KCNH8: variants seen among roughly 807,000 people sequenced by gnomAD.
The protein encoded by KCNH8 is voltage-gated delayed rectifier potassium channel KCNH8.
KCNH8 carries 70 observed loss-of-function variants against 103.6 expected under a neutral mutation model. The observed-to-expected ratio is 0.68, with a 90% confidence interval of 0.56 to 0.82. KCNH8 has a LOEUF of 0.82. Among genes scored for constraint, KCNH8 ranks in the 40% least tolerant of loss-of-function variants. The pLI, the probability that KCNH8 is intolerant of heterozygous loss-of-function variation, is 0.00. For synonymous variants in KCNH8, 498 were observed against 489.4 expected (o/e 1.02, Z -0.23); for missense variants, 1,217 against 1,329.9 (o/e 0.92, Z 1.32).
intron 11 of KCNH8, among the ~76,000 whole-genome samples, chr3:19,499,549 G>C (rs537765529): frequency 4.6e-5 from 7 of 152,218 alleles, no homozygotes; most frequent in African/African-American, 1.7e-4. Context: ...AGAAAGGTCG[G>C]GTTACCCTCA....
chr3:19,231,641 G>A (rs1297465204), intron 1 of KCNH8, among the ~76,000 whole-genome samples: 2 of 151,974 alleles, frequency 1.3e-5, no homozygotes, highest in Admixed American at 6.6e-5. Context: ...CTCTTAATGG[G>A]CCAGCCTACA....
At chr3:19,419,058 C>T (rs2066904968) in intron 7 of KCNH8, among the ~76,000 whole-genome samples, 1 of 152,096 alleles carries the variant, frequency 6.6e-6, no homozygotes, top group African/African-American at 2.4e-5. Flanking sequence ...AACATTTTAT[C>T]TAAACTAGTT....
intron 10 of KCNH8, among the ~76,000 whole-genome samples, chr3:19,452,991 C>T (rs900987305): frequency 6.6e-6 from 1 of 152,004 alleles, no homozygotes; most frequent in African/African-American, 2.4e-5. Context: ...AAATGTGGTA[C>T]ATATATGCAA....
chr3:19,459,821 A>G (rs1575090705), intron 11 of KCNH8, among the ~76,000 whole-genome samples: 1 of 151,994 alleles, frequency 6.6e-6, no homozygotes, highest in East Asian at 1.9e-4. Flanking sequence ...GTGGAAAAGG[A>G]ATTTTTATCT....
intron 11 of KCNH8, among the ~76,000 whole-genome samples, chr3:19,496,376 CTAGTT>C (rs1316538188): frequency 6.6e-6 from 1 of 152,092 alleles, no homozygotes; most frequent in African/African-American, 2.4e-5. Context: ...CCTTCAATGA[CTAGTT>C]TATTGAAGGT....
At chr3:19,440,634 G>A (rs140754501) in intron 8 of KCNH8, among the ~76,000 whole-genome samples, 13 of 152,264 alleles carry the variant, frequency 8.5e-5, no homozygotes, top group African/African-American at 1.4e-4. Context: ...CCCACAACAC[G>A]TGGGGATTAT....
chr3:19,352,712 T>A (rs2065821084), intron 5 of KCNH8, among the ~76,000 whole-genome samples: 1 of 152,090 alleles, frequency 6.6e-6, no homozygotes, highest in Admixed American at 6.6e-5. Context: ...CATACCAGAA[T>A]CTCTGGGACA....
chr3:19,408,333 A>T (rs2066725700), intron 7 of KCNH8, among the ~76,000 whole-genome samples: 1 of 152,106 alleles, frequency 6.6e-6, no homozygotes, highest in South Asian at 2.1e-4. Flanking sequence ...AATAATAATA[A>T]CATTATAGGG....
At chr3:19,516,115 C>A (rs1378071200) in intron 14 of KCNH8, among the ~76,000 whole-genome samples, 1 of 152,046 alleles carries the variant, frequency 6.6e-6, no homozygotes, top group Non-Finnish European at 1.5e-5. Context: ...TAGGCAGAGA[C>A]AATCCAAAAC....
chr3:19,222,153 A>G (rs913372291), intron 1 of KCNH8, among the ~76,000 whole-genome samples: 1 of 152,168 alleles, frequency 6.6e-6, no homozygotes, highest in African/African-American at 2.4e-5. Flanking sequence ...CCGGCCTAGC[A>G]TCCTATATTT....
At chr3:19,398,883 T>C (rs924252796) in intron 7 of KCNH8, among the ~76,000 whole-genome samples, 1 of 152,008 alleles carries the variant, frequency 6.6e-6, no homozygotes, top group African/African-American at 2.4e-5. Flanking sequence ...TGTACGAAAG[T>C]TACTAAGAAA....
intron 11 of KCNH8, among the ~76,000 whole-genome samples, chr3:19,501,676 C>A (rs1167243191): frequency 6.6e-6 from 1 of 152,076 alleles, no homozygotes; most frequent in East Asian, 1.9e-4. Flanking sequence ...AGACAAAAAC[C>A]ACATGATTAT....
intron 11 of KCNH8, among the ~76,000 whole-genome samples, chr3:19,473,017 G>A (rs981051844): frequency 1.3e-5 from 2 of 152,098 alleles, no homozygotes; most frequent in Non-Finnish European, 2.9e-5. Context: ...TTGTTTCTGG[G>A]AGTTCGGATT....
chr3:19,450,451 A>T, intron 9 of KCNH8, 146 bp downstream of exon 9: 1 of 682,308 alleles, frequency 1.5e-6, no homozygotes, highest in African/African-American at 1.8e-5. Context: ...ATCCCAATCC[A>T]TCTTCTTTCA....
At chr3:19,383,888 A>T (rs6774293) in intron 5 of KCNH8, among the ~76,000 whole-genome samples, 72,666 of 151,856 alleles carry the variant, frequency 0.48, 17,958 homozygotes, top group Non-Finnish European at 0.53. Context: ...TATAATTAAG[A>T]CTGATTAAAT....
chr3:19,388,527 C>A (rs944677502), intron 5 of KCNH8, among the ~76,000 whole-genome samples: 1 of 151,998 alleles, frequency 6.6e-6, no homozygotes, highest in Non-Finnish European at 1.5e-5. Flanking sequence ...TGTAATTCAC[C>A]TGGGATTGTT....
At position 19,534,011 on chromosome 3, in the gene KCNH8, C is replaced by T. The variant is rs1267549380; in HGVS notation, c.3236C>T (p.Ser1079Leu). ...TCTTGGAACCAGGAAGGAATGGCATCAGCTTCTACAAAACCTTTGGAGAAC... is the reference window on the plus strand; with the variant it reads ...TCTTGGAACCAGGAAGGAATGGCATTAGCTTCTACAAAACCTTTGGAGAAC... The part of the protein sequence containing the change: ...PGSWNQEGMA[S>L]ASTKPLENLP... Residue 1079 changes from serine to leucine, a missense_variant, in exon 16 of 16, where the codon TCA (serine) becomes TTA (leucine). Physicochemically the swap from Ser to Leu is moderately radical, Grantham distance 145. This residue lies in a region of KCNH8 where 558 missense variants were observed against 495.8 expected (regional missense o/e 1.13). Coordinates refer to ENST00000328405, the MANE Select transcript of KCNH8 (RefSeq NM_144633.3). 2 of 1,614,064 alleles carry T rather than the reference C, an allele frequency of 1.2e-6. No homozygotes were observed. The highest frequency in any genetic ancestry group is 1.7e-6 in the Non-Finnish European group (2 of 1,180,028).
At chr3:19,328,242 C>T (rs2065458356) in intron 3 of KCNH8, among the ~76,000 whole-genome samples, 1 of 152,128 alleles carries the variant, frequency 6.6e-6, no homozygotes, top group South Asian at 2.1e-4. Context: ...ACTACTAAGC[C>T]TTGGCTCATA....
chr3:19,386,167 T>A (rs777391224), intron 5 of KCNH8, among the ~76,000 whole-genome samples: 1 of 152,132 alleles, frequency 6.6e-6, no homozygotes, highest in Non-Finnish European at 1.5e-5. Flanking sequence ...AGACACTTAG[T>A]GTGGGAGATA....
Sources: allele counts gnomAD v4.1 joint callset (sites outside exome capture counted in the v4.1 genomes callset), GRCh38; gene constraint gnomAD v4.1.1; regional missense constraint gnomAD v4.1.1; transcripts MANE v1.5; gene names NCBI Gene and HGNC (gene_info 2026-07-23, HGNC 2026-07-21).